ATP5PB: variants seen among roughly 807,000 people sequenced by gnomAD.
ATP5PB encodes the protein ATP synthase peripheral stalk-membrane subunit b.
Under a neutral mutation model 34.5 loss-of-function variants are expected in ATP5PB, and 21 were observed. The ratio of observed to expected loss-of-function variants is 0.61; its 90% CI spans 0.43 to 0.88. The LOEUF (loss-of-function observed/expected upper bound fraction) is 0.88, where lower values mean the gene tolerates loss of function less well. ATP5PB is among the 40% of genes least tolerant of loss of function. ATP5PB has a pLI of 0.00. For missense variants in ATP5PB, 293 were observed against 317.4 expected (o/e 0.92, Z 0.58); for synonymous variants, 108 against 114.1 (o/e 0.95, Z 0.34).
chr1:111,452,192 C>T (rs931773013), intron 2 of ATP5PB, among the ~76,000 whole-genome samples: 3 of 151,704 alleles, frequency 2.0e-5, no homozygotes, highest in Non-Finnish European at 4.4e-5. Context: ...CAGGAGAGAG[C>T]CTGTTGAGTT....
Position 111,449,888 on chromosome 1 carries a change from A to G in ATP5PB, c.77+15A>G, listed in dbSNP as rs755119065. On this transcript the variant is annotated intron_variant, in intron 2 of 6. Coordinates refer to ENST00000369722, the MANE Select transcript of ATP5PB (RefSeq NM_001688.5). ...CTAGGTCCAGGGTAAGTGTGAGGATAATGCTCCCTTTCGTCTTTGTTTTCA... is the reference window on the plus strand; with the variant it reads ...CTAGGTCCAGGGTAAGTGTGAGGATGATGCTCCCTTTCGTCTTTGTTTTCA... The G allele has an allele frequency of 1.9e-6, 3 of 1,613,914 alleles. No homozygotes were observed. The highest frequency in any genetic ancestry group is 2.5e-6 in the Non-Finnish European group (3 of 1,179,948).
intron 2 of ATP5PB, among the ~76,000 whole-genome samples, chr1:111,452,009 T>C (rs1218942513): frequency 6.6e-5 from 10 of 151,886 alleles, no homozygotes; most frequent in Admixed American, 6.6e-4. Flanking sequence ...CTCCCAGCTA[T>C]TGGGAAGGCT....
rs1653352430 is a variant in ATP5PB at position 111,452,157 on chromosome 1, GTTATA to G, written c.78-2050_78-2046del. ...AAATGACAGGTACTAGATTATGTAT[GTTATA>G]TTAAGTAGTTTTCTGTAGGCAGGAG... On this transcript the variant is annotated intron_variant, in intron 2 of 6. Transcript: ENST00000369722. Among the ~76,000 whole-genome samples the G allele has an allele frequency of 3.0e-4, 46 of 151,936 alleles. No homozygotes were observed. In the South Asian group the frequency reaches 9.6e-3, roughly 32 times the overall value.
rs1653649373 is a variant in ATP5PB at position 111,462,451 on chromosome 1, A to T, written c.*1457A>T. The T allele has an allele frequency of 6.6e-6, 1 of 152,210 alleles. No homozygotes were observed. The highest frequency in any genetic ancestry group is 1.5e-5 in the Non-Finnish European group (1 of 68,032). 9.4% of individuals were successfully genotyped at this position (152,210 alleles called of 1,614,324 possible). A position where few individuals can be genotyped will look rare whatever the true frequency, so the allele number is the denominator to read the frequency against. On this transcript the variant is annotated 3_prime_UTR_variant, in exon 7 of 7. Transcript: ENST00000369722. ...TATGTGTATTTTACAATCTTTTTTTAAATTGAAGAAAAATCCTGTAGATAA... is the reference window on the plus strand; with the variant it reads ...TATGTGTATTTTACAATCTTTTTTTTAATTGAAGAAAAATCCTGTAGATAA...
At chr1:111,460,793 T>G (rs1357589386) in intron 6 of ATP5PB, 124 bp from the exon 7 acceptor site, 1 of 706,506 alleles carries the variant, frequency 1.4e-6, no homozygotes, top group East Asian at 2.8e-5. Context: ...TGTATAGTGT[T>G]AAGCCAGTAA....
At position 111,456,070 on chromosome 1, in the gene ATP5PB, CTCTT is replaced by C. The variant is rs1557800564; in HGVS notation, c.224-11_224-8del. The C allele has an allele frequency of 2.6e-5, 40 of 1,546,830 alleles. No individual in the cohort carries two copies. The highest frequency in any genetic ancestry group is 3.5e-5 in the Non-Finnish European group (40 of 1,145,264). Reference sequence around the variant, plus strand: ...CATAGCATATCCCTTCATAAAATAACTCTTTCTTCTTTTAGGACCCTATGTACTC... The same window carrying C: ...CATAGCATATCCCTTCATAAAATAACTCTTCTTTTAGGACCCTATGTACTC... On this transcript the variant is annotated splice_polypyrimidine_tract_variant and intron_variant, in intron 3 of 6. Transcript: ENST00000369722.
intron 5 of ATP5PB, among the ~76,000 whole-genome samples, chr1:111,457,548 T>C (rs1239429004): frequency 6.6e-6 from 1 of 152,150 alleles, no homozygotes; most frequent in Non-Finnish European, 1.5e-5. Context: ...AAATGAAAAA[T>C]GAGATGCTAA....
rs112858760 is a variant in ATP5PB at position 111,449,509 on chromosome 1, A to T, written c.-33A>T. ...AGATTCTCCTATCGGGGTCACAGGG[A>T]CGCTAAGATTGCTACCTGGACTTTC... On this transcript the variant is annotated 5_prime_UTR_variant, in exon 1 of 7. Coordinates refer to ENST00000369722, the MANE Select transcript of ATP5PB (RefSeq NM_001688.5). The T allele has an allele frequency of 5.1e-5, 82 of 1,614,156 alleles. No individual in the cohort carries two copies. The African/African-American group carries it at 7.9e-4, about 15-fold the overall frequency.
chr1:111,454,489 CT>C, intron 3 of ATP5PB, 133 bp downstream of exon 3: 1 of 1,172,220 alleles, frequency 8.5e-7, no homozygotes, highest in Non-Finnish European at 1.2e-6. Flanking sequence ...CAGGGTATTA[CT>C]CTATCACCCA....
At chr1:111,453,443 G>A (rs1040779615) in intron 2 of ATP5PB, among the ~76,000 whole-genome samples, 1 of 151,350 alleles carries the variant, frequency 6.6e-6, no homozygotes, top group Non-Finnish European at 1.5e-5. Context: ...AAGTCCTTAC[G>A]GGCAATCAGG....
chr1:111,460,007 A>G (rs1227522889), intron 6 of ATP5PB, among the ~76,000 whole-genome samples: 1 of 151,722 alleles, frequency 6.6e-6, no homozygotes. Flanking sequence ...TCTACAAAAA[A>G]TTTAAAAAGT....
In ATP5PB at chr1:111,461,105, T is replaced by G. The variant is rs1277889774; in HGVS notation, c.*111T>G. 1.0e-6 allele frequency: 1 copy of G among 988,808 alleles called. No homozygotes were observed. The highest frequency in any genetic ancestry group is 1.7e-5 in the African/African-American group (1 of 60,458). The allele number at this position is 988,808 out of a possible 1,614,324, so 61.3% of individuals were successfully genotyped here. ...TGTCTACTGAAGTTATAGTTTACCCTTCCTAAAAATGAAAAGTTTGTTTCA... is the reference window on the plus strand; with the variant it reads ...TGTCTACTGAAGTTATAGTTTACCCGTCCTAAAAATGAAAAGTTTGTTTCA... On this transcript the variant is annotated 3_prime_UTR_variant, in exon 7 of 7. Coordinates refer to ENST00000369722, the MANE Select transcript of ATP5PB (RefSeq NM_001688.5).
chr1:111,451,764 T>C (rs187795554), intron 2 of ATP5PB, among the ~76,000 whole-genome samples: 1 of 152,010 alleles, frequency 6.6e-6, no homozygotes, highest in Middle Eastern at 3.2e-3. Context: ...TCTTTGTTTG[T>C]TTTTGAGAGC....
At chr1:111,450,216 A>C (rs927857305) in intron 2 of ATP5PB, among the ~76,000 whole-genome samples, 1 of 152,234 alleles carries the variant, frequency 6.6e-6, no homozygotes, top group Non-Finnish European at 1.5e-5. Flanking sequence ...ACCCAAGAAT[A>C]AATTTTGTTC....
chr1:111,450,960 C>G (rs1571374467), intron 2 of ATP5PB, among the ~76,000 whole-genome samples: 1 of 152,200 alleles, frequency 6.6e-6, no homozygotes, highest in Admixed American at 6.5e-5. Context: ...GGCTCTTCCT[C>G]TAGAAATTTG....
In ATP5PB at chr1:111,454,324, T is replaced by C; in HGVS notation, c.191T>C (p.Phe64Ser). 2 of 1,610,198 alleles carry C rather than the reference T, an allele frequency of 1.2e-6. No individual in the cohort carries two copies. ...VRYGLIPEEFFQFLYPKTGVT... is the reference protein window; with the variant it reads ...VRYGLIPEEFSQFLYPKTGVT... ...TATGGACTGATCCCTGAGGAATTCT[T>C]CCAGTTTCTTTATCCTAAAACTGGT... The change falls in exon 3 of 7, where the codon TTC becomes TCC. Residue 64 changes from phenylalanine to serine, a missense_variant. Coordinates refer to ENST00000369722, the MANE Select transcript of ATP5PB (RefSeq NM_001688.5).
rs540320426 is a variant in ATP5PB at position 111,454,468 on chromosome 1, G to T, written c.223+112G>T. 3.4e-4 allele frequency: 434 copies of T among 1,287,910 alleles called. 3 individuals are homozygous for T. The African/African-American group carries it at 6.8e-3, about 20-fold the overall frequency. The allele number at this position is 1,287,910 out of a possible 1,614,324, so 79.8% of individuals were successfully genotyped here. On this transcript the variant is annotated intron_variant, in intron 3 of 6. Transcript: ENST00000369722. ...TGTTGTTGTTGTTGTTGTTGTTGTTGTTTTTTGAGACAGGGTATTACTCTA... is the reference window on the plus strand; with the variant it reads ...TGTTGTTGTTGTTGTTGTTGTTGTTTTTTTTTGAGACAGGGTATTACTCTA...
intron 2 of ATP5PB, among the ~76,000 whole-genome samples, chr1:111,450,818 T>A (rs1009853622): frequency 3.9e-5 from 6 of 152,186 alleles, no homozygotes; most frequent in African/African-American, 7.2e-5. Flanking sequence ...TGCTTCCAAC[T>A]TAGAAGAAAA....
chr1:111,459,703 T>C, intron 6 of ATP5PB, 67 bp downstream of exon 6: 2 of 1,518,000 alleles, frequency 1.3e-6, no homozygotes, highest in Non-Finnish European at 1.8e-6. Context: ...GCTGATGTTT[T>C]GTTAAGGTAG....
Sources: allele counts gnomAD v4.1 joint callset (sites outside exome capture counted in the v4.1 genomes callset), GRCh38; gene constraint gnomAD v4.1.1; transcripts MANE v1.5; gene names NCBI Gene and HGNC (gene_info 2026-07-23, HGNC 2026-07-21).